Variants in ARID4B observed in about 807,000 individuals in gnomAD.
ARID4B encodes the protein AT-rich interaction domain 4B, also known as AT-rich interactive domain-containing protein 4B.
ARID4B carries 26 observed loss-of-function variants against 147.5 expected under a neutral mutation model. That is an observed-to-expected ratio of 0.18 (90% CI 0.13 to 0.24). The LOEUF (loss-of-function observed/expected upper bound fraction) is 0.24, where lower values mean the gene tolerates loss of function less well. ARID4B is among the 10% of genes least tolerant of loss of function. The pLI, the probability that ARID4B is intolerant of heterozygous loss-of-function variation, is 1.00. For synonymous variants in ARID4B, 512 were observed against 507.9 expected, an observed-to-expected ratio of 1.01 and a Z score of -0.11; for missense variants, 1,179 against 1,511.5, an observed-to-expected ratio of 0.78 and a Z score of 3.65.
chr1:235,200,295 C>T (rs1665810338), intron 17 of ARID4B, among the ~76,000 whole-genome samples: 1 of 152,142 alleles, frequency 6.6e-6, no homozygotes, highest in South Asian at 2.1e-4. Flanking sequence ...CGTGTCTCTA[C>T]TGAAAATACA....
chr1:235,229,463 G>T, intron 10 of ARID4B, 78 bp from the exon 11 acceptor site: 48 of 1,021,516 alleles, frequency 4.7e-5, no homozygotes, highest in East Asian at 1.0e-4. Context: ...ACACGATAAA[G>T]AAATAAAAAC....
intron 2 of ARID4B, among the ~76,000 whole-genome samples, chr1:235,275,185 G>A (rs1252434569): frequency 2.0e-5 from 3 of 152,122 alleles, no homozygotes; most frequent in African/African-American, 7.2e-5. Context: ...TCACTAACAT[G>A]ACAAGTATCA....
chr1:235,188,274 T>A (rs971954004), intron 19 of ARID4B, among the ~76,000 whole-genome samples: 2 of 152,154 alleles, frequency 1.3e-5, no homozygotes, highest in East Asian at 3.8e-4. Context: ...AGAAAGCAGA[T>A]AAATGAATGA....
At chr1:235,276,252 A>T (rs1462830695) in intron 2 of ARID4B, among the ~76,000 whole-genome samples, 1 of 150,692 alleles carries the variant, frequency 6.6e-6, no homozygotes, top group Non-Finnish European at 1.5e-5. Flanking sequence ...GATCATTATT[A>T]TAACATTAGT....
At chr1:235,308,896 C>T (rs1407538781) in intron 2 of ARID4B, among the ~76,000 whole-genome samples, 1 of 152,156 alleles carries the variant, frequency 6.6e-6, no homozygotes, top group Non-Finnish European at 1.5e-5. Flanking sequence ...CCGGCTGCCA[C>T]CCCATCTGGG....
chr1:235,208,603 A>C (rs1196817713), intron 17 of ARID4B, among the ~76,000 whole-genome samples: 1 of 151,992 alleles, frequency 6.6e-6, no homozygotes, highest in Non-Finnish European at 1.5e-5. Flanking sequence ...CCCAGGTTCG[A>C]GCGATTCTCC....
chr1:235,268,738 A>G (rs1417608052), intron 2 of ARID4B, among the ~76,000 whole-genome samples: 1 of 152,044 alleles, frequency 6.6e-6, no homozygotes, highest in Admixed American at 6.6e-5. Flanking sequence ...GGCTGGTCTC[A>G]AACTCCCGAC....
intron 2 of ARID4B, among the ~76,000 whole-genome samples, chr1:235,305,642 C>T (rs1297496543): frequency 2.0e-5 from 3 of 152,010 alleles, no homozygotes; most frequent in Non-Finnish European, 4.4e-5. Context: ...ATCTATGTAC[C>T]TCTCAGGGTA....
chr1:235,196,289 G>C (rs1413321026), intron 17 of ARID4B, among the ~76,000 whole-genome samples, 174 bp from the exon 18 acceptor site: 4 of 152,144 alleles, frequency 2.6e-5, no homozygotes, highest in Non-Finnish European at 4.4e-5. Context: ...AAGAGAGGGA[G>C]GTAATAACTT....
chr1:235,267,434 A>C (rs1028063624), intron 2 of ARID4B, among the ~76,000 whole-genome samples: 1 of 152,246 alleles, frequency 6.6e-6, no homozygotes, highest in Admixed American at 6.5e-5. Flanking sequence ...AATGAACAAA[A>C]TATACTTGCA....
intron 1 of ARID4B, chr1:235,327,175 C>T: frequency 4.1e-6 from 2 of 488,532 alleles, no homozygotes; most frequent in Non-Finnish European, 7.4e-6. Flanking sequence ...TCGGCAGCTT[C>T]CCGTCCCCAT....
intron 21 of ARID4B, among the ~76,000 whole-genome samples, chr1:235,176,287 T>A (rs1052866451): frequency 6.6e-6 from 1 of 151,498 alleles, no homozygotes; most frequent in African/African-American, 2.4e-5. Flanking sequence ...ATGCGCTCTC[T>A]TAGGAAATGT....
intron 2 of ARID4B, among the ~76,000 whole-genome samples, chr1:235,320,808 G>A (rs1056078457): frequency 6.6e-6 from 1 of 152,116 alleles, no homozygotes; most frequent in Non-Finnish European, 1.5e-5. Context: ...TTTCTGCAGG[G>A]AATGCTCCTC....
intron 2 of ARID4B, among the ~76,000 whole-genome samples, chr1:235,289,971 A>G (rs769399937): frequency 3.1e-4 from 47 of 151,650 alleles, no homozygotes; most frequent in Non-Finnish European, 5.7e-4. Flanking sequence ...CAGAGGTTGC[A>G]GTGTGCCCCT....
chr1:235,189,263 G>T (rs186782761), intron 19 of ARID4B, among the ~76,000 whole-genome samples: 1 of 151,586 alleles, frequency 6.6e-6, no homozygotes, highest in Non-Finnish European at 1.5e-5. Flanking sequence ...AGCTGGGTGC[G>T]GTGGCAGGCG....
intron 19 of ARID4B, among the ~76,000 whole-genome samples, chr1:235,191,812 C>T (rs2102952382): frequency 6.6e-6 from 1 of 152,234 alleles, no homozygotes; most frequent in South Asian, 2.1e-4. Context: ...GTGGCTCATG[C>T]CTATAATCCT....
At position 235,225,482 on chromosome 1, in the gene ARID4B, T is replaced by C. The variant is rs191358530; in HGVS notation, c.898-707A>G. 1.0e-3 allele frequency among the ~76,000 whole-genome samples: 153 copies of C among 152,328 alleles called. 1 individual carries two copies. The highest frequency in any genetic ancestry group is 1.8e-3 in the Admixed American group (28 of 15,298). ...CAAGGAGCAGGGTAGTAGGTTAAGA[T>C]TGAGGAACTCACCAATTCAATGACT... On this transcript the variant is annotated intron_variant, in intron 11 of 23. Transcript: ENST00000264183.
intron 2 of ARID4B, among the ~76,000 whole-genome samples, chr1:235,307,072 C>T (rs1279613522): frequency 6.6e-6 from 1 of 151,950 alleles, no homozygotes; most frequent in East Asian, 1.9e-4. Context: ...AGAACTTGTA[C>T]CTACAAATTA....
chr1:235,169,011 C>A (rs1191364280), intron 23 of ARID4B, among the ~76,000 whole-genome samples: 1 of 152,138 alleles, frequency 6.6e-6, no homozygotes, highest in Non-Finnish European at 1.5e-5. Flanking sequence ...GCAATCCATC[C>A]AAAAATCATT....
Sources: allele counts gnomAD v4.1 joint callset (sites outside exome capture counted in the v4.1 genomes callset), GRCh38; gene constraint gnomAD v4.1.1; transcripts MANE v1.5; gene names NCBI Gene and HGNC (gene_info 2026-07-23, HGNC 2026-07-21).